The following NPSR1 variants were observed in gnomAD, a reference collection of about 807,000 sequenced individuals.
The protein encoded by NPSR1 is neuropeptide S receptor 1.
A neutral mutation model predicts 46.9 loss-of-function variants in NPSR1; 48 were observed. That is an observed-to-expected ratio of 1.02 (90% confidence interval 0.81 to 1.30). The LOEUF is 1.30. Ranked by LOEUF, NPSR1 falls within the 50% of genes most tolerant of loss-of-function variation. NPSR1 has a pLI of 0.00. For missense variants in NPSR1, 450 were observed against 449.5 expected, an observed-to-expected ratio of 1.00 and a Z score of -0.01; for synonymous variants, 176 against 168.1, an observed-to-expected ratio of 1.05 and a Z score of -0.36.
chr7:34,827,494 C>G lies in NPSR1; in HGVS notation c.572C>G (p.Ser191Cys), dbSNP rs749301919. Reference sequence around the variant, plus strand: ...ATCATATTTGGGAAGAGGACACTGTCCAACGGTGAAGTGCAGTGCTGGGCC... The same window carrying G: ...ATCATATTTGGGAAGAGGACACTGTGCAACGGTGAAGTGCAGTGCTGGGCC... The part of the protein sequence containing the change: ...TLIIFGKRTL[S>C]NGEVQCWALW... The change falls in exon 5 of 9, where the codon TCC (serine) becomes TGC (cysteine). Residue 191 changes from serine to cysteine, a missense_variant. Physicochemically the swap from Ser to Cys is moderately radical, Grantham distance 112. Coordinates refer to ENST00000360581, the MANE Select transcript of NPSR1 (RefSeq NM_207172.2). The G allele has an allele frequency of 6.2e-7, 1 of 1,614,068 alleles. No individual in the cohort carries two copies. Among genetic ancestry groups the G allele is most frequent in the South Asian group, 1.1e-5 (1 of 91,084 alleles).
chr7:34,770,001 C>T (rs1432941868), intron 2 of NPSR1, among the ~76,000 whole-genome samples: 1 of 152,306 alleles, frequency 6.6e-6, no homozygotes, highest in Non-Finnish European at 1.5e-5. Context: ...CAGCATTGAA[C>T]ATCATTTGCT....
intron 3 of NPSR1, among the ~76,000 whole-genome samples, chr7:34,804,578 G>T (rs1287374927): frequency 6.6e-6 from 1 of 151,942 alleles, no homozygotes; most frequent in Admixed American, 6.6e-5. Context: ...ATATTTAATG[G>T]CAAGAAATTA....
At chr7:34,791,110 T>G (rs1787822801) in intron 3 of NPSR1, among the ~76,000 whole-genome samples, 1 of 88,778 alleles carries the variant, frequency 1.1e-5, no homozygotes, top group Non-Finnish European at 2.2e-5. Context: ...TATAATATGT[T>G]ATATAATATA....
At chr7:34,776,145 A>G (rs1016471581) in intron 2 of NPSR1, among the ~76,000 whole-genome samples, 2 of 151,988 alleles carry the variant, frequency 1.3e-5, no homozygotes, top group Non-Finnish European at 2.9e-5. Flanking sequence ...CTTTTTAGTG[A>G]TTTAACATAT....
intron 3 of NPSR1, among the ~76,000 whole-genome samples, chr7:34,788,962 A>C (rs897578934): frequency 2.6e-5 from 4 of 152,096 alleles, no homozygotes; most frequent in Non-Finnish European, 5.9e-5. Context: ...TTTTTCAAAA[A>C]CAATGACATG....
chr7:34,835,791 G>A (rs1383704862), intron 6 of NPSR1, among the ~76,000 whole-genome samples: 2 of 152,182 alleles, frequency 1.3e-5, no homozygotes, highest in African/African-American at 4.8e-5. Context: ...ACTATAGGCA[G>A]CTTACAGTCT....
rs1790853929 is a variant in NPSR1 at position 34,849,269 on chromosome 7, C to A, written c.1026-296C>A. The stretch of plus-strand genomic sequence containing the variant: ...TTGTTTATTCGTAGCGATGTGTGAC[C>A]TTGGGCAAGTTATTTAACATCTGTA... On this transcript the variant is annotated intron_variant, in intron 8 of 8. Coordinates refer to ENST00000360581, the MANE Select transcript of NPSR1 (RefSeq NM_207172.2). 8.0e-6 allele frequency: 10 copies of A among 1,248,088 alleles called. No homozygotes were observed. The South Asian group carries it at 1.0e-4, about 13-fold the overall frequency. The allele number at this position is 1,248,088 out of a possible 1,614,324, so 77.3% of individuals were successfully genotyped here. A position where few individuals can be genotyped will look rare whatever the true frequency, so the allele number is the denominator to read the frequency against.
At chr7:34,698,614 TTTGAAAAG>T (rs1204508665) in intron 2 of NPSR1, among the ~76,000 whole-genome samples, 4 of 152,188 alleles carry the variant, frequency 2.6e-5, no homozygotes, top group Non-Finnish European at 5.9e-5. Flanking sequence ...AACATCAGAA[TTTGAAAAG>T]TGTGCCACTA....
At chr7:34,859,961 T>C (rs10238983) in intron 8 of NPSR1, among the ~76,000 whole-genome samples, 31,841 of 151,618 alleles carry the variant, frequency 0.21, 3,725 homozygotes, top group Non-Finnish European at 0.24. Flanking sequence ...CTGGTCCAAC[T>C]GGAACACGAA....
At chr7:34,760,668 C>G (rs546110810) in intron 2 of NPSR1, among the ~76,000 whole-genome samples, 1 of 152,092 alleles carries the variant, frequency 6.6e-6, no homozygotes, top group Non-Finnish European at 1.5e-5. Context: ...TTACTGCAAC[C>G]CATCATATTT....
At position 34,848,466 on chromosome 7, in the gene NPSR1, G is replaced by A; in HGVS notation, c.845-17G>A. 2 of 1,612,454 alleles carry A rather than the reference G, an allele frequency of 1.2e-6. No individual in the cohort carries two copies. The highest frequency in any genetic ancestry group is 8.5e-7 in the Non-Finnish European group (1 of 1,178,976). On this transcript the variant is annotated splice_polypyrimidine_tract_variant and intron_variant, in intron 7 of 8. Transcript: ENST00000360581. ...ACTGCTACCTGCTGTGATGCTAATG[G>A]CTCTCTTCTCCCCCAGCCTTCATCT...
At chr7:34,829,872 G>A (rs759563992) in intron 5 of NPSR1, among the ~76,000 whole-genome samples, 1 of 152,210 alleles carries the variant, frequency 6.6e-6, no homozygotes, top group Non-Finnish European at 1.5e-5. Context: ...CCAGATCCTA[G>A]CTCCTTGCTT....
intron 8 of NPSR1, among the ~76,000 whole-genome samples, chr7:34,855,975 T>G (rs1791039661): frequency 6.6e-6 from 1 of 152,094 alleles, no homozygotes; most frequent in African/African-American, 2.4e-5. Flanking sequence ...TTATAAGATA[T>G]TCACAAACTT....
chr7:34,677,582 A>G (rs942780125), intron 1 of NPSR1, among the ~76,000 whole-genome samples: 7 of 152,222 alleles, frequency 4.6e-5, no homozygotes, highest in South Asian at 4.1e-4. Flanking sequence ...TGACTTCCCT[A>G]TTCCCTTCCA....
At chr7:34,684,776 G>A (rs1792843999) in intron 2 of NPSR1, 92 bp downstream of exon 2, 13 of 878,556 alleles carry the variant, frequency 1.5e-5, no homozygotes, top group East Asian at 2.8e-5. Context: ...AAAAAAAAAT[G>A]TAACGCATCG....
intron 3 of NPSR1, among the ~76,000 whole-genome samples, chr7:34,805,886 C>A (rs1584063054): frequency 1.3e-5 from 2 of 151,830 alleles, no homozygotes; most frequent in Non-Finnish European, 2.9e-5. Context: ...TCTGAATAAA[C>A]CCTTCACCAA....
At chr7:34,805,479 C>CAAAAAAAA (rs57776086) in intron 3 of NPSR1, among the ~76,000 whole-genome samples, 6 of 71,920 alleles carry the variant, frequency 8.3e-5, no homozygotes, top group African/African-American at 2.0e-4. Context: ...TATCCACATG[C>CAAAAAAAA]AAAAAAAAAA....
At chr7:34,659,936 G>C (rs1221735577) in intron 1 of NPSR1, among the ~76,000 whole-genome samples, 1 of 152,174 alleles carries the variant, frequency 6.6e-6, no homozygotes, top group African/African-American at 2.4e-5. Context: ...AGAATGAAGA[G>C]AGGCCCTCCA....
chr7:34,827,650 G>GGA, intron 5 of NPSR1, 48 bp downstream of exon 5: 2 of 612,072 alleles, frequency 3.3e-6, no homozygotes, highest in South Asian at 2.9e-5. Flanking sequence ...GGGCGGGGGG[G>GGA]GCTTTCCTGT....
Sources: allele counts gnomAD v4.1 joint callset (sites outside exome capture counted in the v4.1 genomes callset), GRCh38; gene constraint gnomAD v4.1.1; transcripts MANE v1.5; gene names NCBI Gene and HGNC (gene_info 2026-07-23, HGNC 2026-07-21).